The following REV3L variants were observed in gnomAD, a reference collection of about 807,000 sequenced individuals.
REV3L encodes the protein REV3 like, DNA directed polymerase zeta catalytic subunit, also known as DNA polymerase zeta catalytic subunit.
Under a neutral mutation model 299.4 loss-of-function variants are expected in REV3L, and 69 were observed. That is an observed-to-expected ratio of 0.23 (90% CI 0.19 to 0.28). The LOEUF is 0.28. REV3L is among the 10% of genes least tolerant of loss of function. The pLI, the probability that REV3L is intolerant of heterozygous loss-of-function variation, is 1.00. For missense variants in REV3L, 3,128 were observed against 3,693.8 expected, an observed-to-expected ratio of 0.85 and a Z score of 3.97; for synonymous variants, 1,238 against 1,271.4, an observed-to-expected ratio of 0.97 and a Z score of 0.56.
At chr6:111,434,263 A>C (rs1053351398) in intron 1 of REV3L, among the ~76,000 whole-genome samples, 3 of 152,202 alleles carry the variant, frequency 2.0e-5, no homozygotes, top group African/African-American at 7.2e-5. Flanking sequence ...CCTTGCTTGC[A>C]GATGACATGG....
In REV3L at chr6:111,299,660, GA is replaced by G. The variant is rs1264464456; in HGVS notation, c.*355del. ...CACGTCTTGATACAGACAGTTCAAG[GA>G]AAACACACAAATGCTTTTTCTTTAA... is the stretch of plus-strand genomic sequence containing the variant. On this transcript the variant is annotated 3_prime_UTR_variant, in exon 32 of 32. Coordinates refer to ENST00000368802, the MANE Select transcript of REV3L (RefSeq NM_001372078.1). 5 of 160,944 alleles carry G rather than the reference GA, an allele frequency of 3.1e-5. No individual in the cohort carries two copies. The highest frequency in any genetic ancestry group is 1.2e-4 in the African/African-American group (5 of 41,776). The allele number at this position is 160,944 out of a possible 1,614,324, so 10.0% of individuals were successfully genotyped here. A position where few individuals can be genotyped will look rare whatever the true frequency, so the allele number is the denominator to read the frequency against.
rs533668673 is a variant in REV3L, at chr6:111,482,948, G to A, written c.-60C>T. On this transcript the variant is annotated 5_prime_UTR_variant, in exon 1 of 32. Transcript: ENST00000368802. The stretch of plus-strand genomic sequence containing the variant: ...CGACCCGGCAGCGGCAGCAGCAGCG[G>A]CGGCGGCTCCCTCCGCAGCGGCGGC... The A allele has an allele frequency of 9.8e-5, 143 of 1,455,896 alleles. 1 individual carries two copies. The South Asian group carries it at 2.0e-3, about 20-fold the overall frequency. 90.2% of individuals were successfully genotyped at this position (1,455,896 alleles called of 1,614,324 possible). A position where few individuals can be genotyped will look rare whatever the true frequency, so the allele number is the denominator to read the frequency against.
chr6:111,307,603 G>A, intron 30 of REV3L, 33 bp from the exon 31 acceptor site: 1 of 1,600,024 alleles, frequency 6.2e-7, no homozygotes, highest in Non-Finnish European at 8.6e-7. Context: ...GTAAGCCTGA[G>A]TCAGCTTCAC....
intron 25 of REV3L, among the ~76,000 whole-genome samples, chr6:111,328,122 T>A (rs1256743138): frequency 6.6e-6 from 1 of 152,202 alleles, no homozygotes; most frequent in Non-Finnish European, 1.5e-5. Context: ...ACACCTTAAC[T>A]TAGTAAATAT....
chr6:111,401,381 T>C (rs1783069721), intron 4 of REV3L, among the ~76,000 whole-genome samples: 2 of 152,220 alleles, frequency 1.3e-5, no homozygotes, highest in South Asian at 4.1e-4. Context: ...GCCTACTTCA[T>C]CCTTCATTAT....
At chr6:111,393,445 A>G (rs1214218790) in intron 4 of REV3L, among the ~76,000 whole-genome samples, 2 of 152,176 alleles carry the variant, frequency 1.3e-5, no homozygotes, top group African/African-American at 2.4e-5. Flanking sequence ...TGTAATGACA[A>G]AATCAAGGTA....
chr6:111,379,547 T>C (rs1780623500), intron 11 of REV3L, among the ~76,000 whole-genome samples: 1 of 152,196 alleles, frequency 6.6e-6, no homozygotes, highest in African/African-American at 2.4e-5. Flanking sequence ...TCTTAGTCTT[T>C]TATTTATTTG....
At chr6:111,446,573 C>T (rs17510485) in intron 1 of REV3L, among the ~76,000 whole-genome samples, 18 of 152,044 alleles carry the variant, frequency 1.2e-4, no homozygotes, top group South Asian at 2.1e-4. Flanking sequence ...AGTTGGCAGG[C>T]GCCTGTAGTC....
chr6:111,477,255 A>G (rs764591628), intron 1 of REV3L, among the ~76,000 whole-genome samples: 1 of 152,228 alleles, frequency 6.6e-6, no homozygotes, highest in Non-Finnish European at 1.5e-5. Flanking sequence ...AATGAGTTCC[A>G]AGAATTAATA....
At position 111,371,130 on chromosome 6, in the gene REV3L, G is replaced by A. The variant is rs536385195; in HGVS notation, c.5759+1466C>T. 1.1e-4 allele frequency among the ~76,000 whole-genome samples: 16 copies of A among 152,056 alleles called. No individual in the cohort carries two copies. In the South Asian group the frequency reaches 3.3e-3, roughly 32 times the overall value. On this transcript the variant is annotated intron_variant, in intron 13 of 31. Coordinates refer to ENST00000368802, the MANE Select transcript of REV3L (RefSeq NM_001372078.1). ...CATCCTCTTCTGCTTCTGAATGGAT[G>A]GCTGAAATGAACTGCCTGCTCTGCA...
intron 1 of REV3L, among the ~76,000 whole-genome samples, chr6:111,428,197 TCAAA>T (rs901174646): frequency 2.0e-5 from 3 of 152,004 alleles, no homozygotes; most frequent in Admixed American, 6.6e-5. Flanking sequence ...AACCATGACC[TCAAA>T]CAGACAAAGC....
chr6:111,417,158 A>C (rs549205680), intron 1 of REV3L, among the ~76,000 whole-genome samples: 7 of 152,176 alleles, frequency 4.6e-5, no homozygotes, highest in African/African-American at 7.2e-5. Context: ...GAAAACCAAT[A>C]TATCAGTCAA....
chr6:111,305,435 T>A (rs1325703883), intron 31 of REV3L, among the ~76,000 whole-genome samples: 2 of 151,558 alleles, frequency 1.3e-5, no homozygotes, highest in African/African-American at 2.4e-5. Flanking sequence ...TAAAAAAAAA[T>A]AATTAGTAAA....
chr6:111,387,327 T>G (rs1259307386), intron 9 of REV3L, among the ~76,000 whole-genome samples: 1 of 152,188 alleles, frequency 6.6e-6, no homozygotes, highest in Non-Finnish European at 1.5e-5. Context: ...GGAAACATTC[T>G]AAAACTGGAT....
At chr6:111,301,479 C>G (rs909689914) in intron 31 of REV3L, among the ~76,000 whole-genome samples, 1 of 151,780 alleles carries the variant, frequency 6.6e-6, no homozygotes, top group African/African-American at 2.4e-5. Context: ...TGTGATGTCA[C>G]CCCCAGAGAC....
chr6:111,428,036 A>G (rs1786397956), intron 1 of REV3L, among the ~76,000 whole-genome samples: 1 of 152,176 alleles, frequency 6.6e-6, no homozygotes, highest in Admixed American at 6.5e-5. Context: ...AAAAAAAAGA[A>G]AGAAAATTAA....
At chr6:111,465,138 T>C (rs1420484999) in intron 1 of REV3L, among the ~76,000 whole-genome samples, 1 of 143,240 alleles carries the variant, frequency 7.0e-6, no homozygotes, top group Non-Finnish European at 1.5e-5. Flanking sequence ...TGGAGTGCAA[T>C]GGTGCGATCT....
chr6:111,326,807 TAA>T (rs201555297), intron 25 of REV3L, among the ~76,000 whole-genome samples: 43 of 146,692 alleles, frequency 2.9e-4, no homozygotes, highest in African/African-American at 7.0e-4. Context: ...ATCTGCCCTT[TAA>T]AAAAAAAAAA....
intron 10 of REV3L, 78 bp downstream of exon 10, chr6:111,381,245 TAA>T (rs60385293): frequency 0.026 from 30,394 of 1,180,588 alleles, 414 homozygotes; most frequent in Admixed American, 0.091. Context: ...TTCAAGTCAA[TAA>T]AAAAAAAAAT....
Sources: allele counts gnomAD v4.1 joint callset (sites outside exome capture counted in the v4.1 genomes callset), GRCh38; gene constraint gnomAD v4.1.1; transcripts MANE v1.5; gene names NCBI Gene and HGNC (gene_info 2026-07-23, HGNC 2026-07-21).